The following ZNF385D variants were observed in gnomAD, a reference collection of about 807,000 sequenced individuals.
ZNF385D encodes zinc finger protein 385D.
Under a neutral mutation model 35.8 loss-of-function variants are expected in ZNF385D, and 15 were observed. The ratio of observed to expected loss-of-function variants is 0.42; its 90% CI spans 0.28 to 0.64. ZNF385D has a LOEUF of 0.64. Ranked by LOEUF, ZNF385D falls within the 30% of genes least tolerant of loss-of-function variation. The pLI is 0.23. For synonymous variants in ZNF385D, 212 were observed against 186.8 expected (o/e 1.13, Z -1.10); for missense variants, 474 against 494.6 (o/e 0.96, Z 0.39).
chr3:22,181,070 T>C (rs939667922), intron 2 of ZNF385D, among the ~76,000 whole-genome samples: 3 of 152,048 alleles, frequency 2.0e-5, no homozygotes, highest in African/African-American at 7.3e-5. Context: ...CCTAGTCTTT[T>C]TGTAATATAG....
At chr3:22,289,228 C>G (rs1702171706) in intron 2 of ZNF385D, among the ~76,000 whole-genome samples, 1 of 152,070 alleles carries the variant, frequency 6.6e-6, no homozygotes, top group Non-Finnish European at 1.5e-5. Flanking sequence ...ATGTGTCCAC[C>G]TCTTTGTTTT....
intron 2 of ZNF385D, among the ~76,000 whole-genome samples, chr3:22,234,527 C>G (rs970038956): frequency 2.0e-5 from 3 of 151,894 alleles, no homozygotes; most frequent in African/African-American, 7.2e-5. Flanking sequence ...TTCTCTTTGA[C>G]TGAAAAGCAT....
At chr3:22,107,601 T>C (rs572260070) in intron 3 of ZNF385D, among the ~76,000 whole-genome samples, 1 of 152,116 alleles carries the variant, frequency 6.6e-6, no homozygotes, top group African/African-American at 2.4e-5. Context: ...ATTTAAAGTA[T>C]AGAAACAATA....
intron 3 of ZNF385D, among the ~76,000 whole-genome samples, chr3:21,823,778 C>G (rs1299976336): frequency 6.6e-6 from 1 of 152,068 alleles, no homozygotes; most frequent in Non-Finnish European, 1.5e-5. Flanking sequence ...TACATATGAT[C>G]AAAGCAGATT....
chr3:22,277,154 T>C (rs549340522), intron 2 of ZNF385D, among the ~76,000 whole-genome samples: 2 of 152,074 alleles, frequency 1.3e-5, no homozygotes, highest in South Asian at 2.1e-4. Context: ...CAAAAGGAAG[T>C]AAAAAATGAA....
At chr3:22,307,021 T>C (rs2125421068) in intron 2 of ZNF385D, among the ~76,000 whole-genome samples, 1 of 152,286 alleles carries the variant, frequency 6.6e-6, no homozygotes, top group African/African-American at 2.4e-5. Flanking sequence ...TTGATGGCTC[T>C]GTAGAGGGGA....
intron 2 of ZNF385D, among the ~76,000 whole-genome samples, chr3:22,329,268 T>G (rs888877764): frequency 2.0e-5 from 3 of 152,134 alleles, no homozygotes; most frequent in African/African-American, 7.2e-5. Flanking sequence ...TTCTTATTTC[T>G]TCTCTTTCTT....
intron 3 of ZNF385D, among the ~76,000 whole-genome samples, chr3:21,532,558 C>T (rs1336148064): frequency 2.6e-5 from 4 of 151,606 alleles, no homozygotes; most frequent in Non-Finnish European, 4.4e-5. Flanking sequence ...ATTTCAAAGC[C>T]TTATGAAAAA....
intron 3 of ZNF385D, among the ~76,000 whole-genome samples, chr3:22,085,585 C>G (rs923210616): frequency 6.6e-6 from 1 of 152,086 alleles, no homozygotes; most frequent in East Asian, 1.9e-4. Flanking sequence ...CAATAATTAA[C>G]AGCCTACCAA....
intron 3 of ZNF385D, among the ~76,000 whole-genome samples, chr3:21,856,661 C>T (rs3907354): frequency 0.035 from 5,376 of 152,036 alleles, 333 homozygotes; most frequent in African/African-American, 0.12. Flanking sequence ...TTTCCACCAT[C>T]GATACCCAGT....
chr3:21,469,583 G>T (rs966260895), intron 4 of ZNF385D, among the ~76,000 whole-genome samples: 5 of 151,970 alleles, frequency 3.3e-5, no homozygotes, highest in Admixed American at 2.0e-4. Flanking sequence ...ATACATTTAG[G>T]TTTATACTCT....
chr3:21,678,953 G>T (rs1019721598), intron 1 of ZNF385D, among the ~76,000 whole-genome samples: 1 of 152,004 alleles, frequency 6.6e-6, no homozygotes, highest in Non-Finnish European at 1.5e-5. Flanking sequence ...AATTTATGTT[G>T]TTCTTCAGCT....
intron 3 of ZNF385D, among the ~76,000 whole-genome samples, chr3:22,049,018 C>T (rs1049999447): frequency 2.6e-5 from 4 of 151,830 alleles, no homozygotes; most frequent in Admixed American, 6.6e-5. Context: ...GTTAATTGGC[C>T]GGGCGTAGTG....
intron 2 of ZNF385D, among the ~76,000 whole-genome samples, chr3:22,172,361 A>G (rs1174338997): frequency 1.3e-5 from 2 of 152,256 alleles, no homozygotes; most frequent in African/African-American, 2.4e-5. Context: ...TGTGGCACAC[A>G]TAAGATGACT....
At chr3:22,266,689 T>G (rs1331275630) in intron 2 of ZNF385D, among the ~76,000 whole-genome samples, 1 of 151,952 alleles carries the variant, frequency 6.6e-6, no homozygotes, top group Non-Finnish European at 1.5e-5. Context: ...AGGTATTCTT[T>G]TCACAGCTTG....
chr3:21,603,561 A>G (rs1354749226), intron 2 of ZNF385D, among the ~76,000 whole-genome samples: 1 of 152,234 alleles, frequency 6.6e-6, no homozygotes, highest in African/African-American at 2.4e-5. Flanking sequence ...AGTTCTCTAT[A>G]AGGTAATATA....
rs74736830 is a variant in ZNF385D, at chr3:21,642,142, C to T, written c.165+22744G>A. Among the ~76,000 whole-genome samples, 1,353 of 152,176 alleles carry T rather than the reference C, an allele frequency of 8.9e-3. 24 individuals carry two copies. Among genetic ancestry groups the T allele is most frequent in the African/African-American group, 0.032 (1,311 of 41,532 alleles). Reference sequence around the variant, plus strand: ...ACACCTAGCCTTAACCAGTGTTTTGCGCTTTATGCAAATGACACACCTAGT... The same window carrying T: ...ACACCTAGCCTTAACCAGTGTTTTGTGCTTTATGCAAATGACACACCTAGT... On this transcript the variant is annotated intron_variant, in intron 2 of 7. Coordinates refer to ENST00000281523, the MANE Select transcript of ZNF385D (RefSeq NM_024697.3).
chr3:21,980,601 A>G (rs1244758836), intron 3 of ZNF385D, among the ~76,000 whole-genome samples: 1 of 152,124 alleles, frequency 6.6e-6, no homozygotes. Context: ...GGGGGCCCAT[A>G]TGAAAATTTT....
At chr3:21,732,667 C>A (rs559349274) in intron 1 of ZNF385D, among the ~76,000 whole-genome samples, 1 of 152,104 alleles carries the variant, frequency 6.6e-6, no homozygotes, top group East Asian at 1.9e-4. Flanking sequence ...TTTCATATGC[C>A]TATTTTCTAT....
Sources: allele counts gnomAD v4.1 joint callset (sites outside exome capture counted in the v4.1 genomes callset), GRCh38; gene constraint gnomAD v4.1.1; transcripts MANE v1.5; gene names NCBI Gene and HGNC (gene_info 2026-07-23, HGNC 2026-07-21).